ARID3A: variants seen among roughly 807,000 people sequenced by gnomAD.
ARID3A encodes AT-rich interactive domain-containing protein 3A.
Under a neutral mutation model 52.7 loss-of-function variants are expected in ARID3A, and 11 were observed. The observed-to-expected ratio is 0.21, with a 90% confidence interval of 0.13 to 0.35. The LOEUF (loss-of-function observed/expected upper bound fraction) is 0.35. Ranked by LOEUF, ARID3A falls within the 10% of genes least tolerant of loss-of-function variation. ARID3A has a pLI of 1.00. For synonymous variants in ARID3A, 404 were observed against 359.4 expected (o/e 1.12, Z -1.40); for missense variants, 721 against 838.5 (o/e 0.86, Z 1.73).
chr19:948,314 G>C (rs1568363974), intron 3 of ARID3A, among the ~76,000 whole-genome samples: 1 of 151,994 alleles, frequency 6.6e-6, no homozygotes, highest in Non-Finnish European at 1.5e-5. Flanking sequence ...GCTGTGGACT[G>C]ACAGCCCCGT....
rs1856904200 is a variant in ARID3A, at chr19:944,189, G to A, written c.693+11447G>A. 1.3e-5 allele frequency among the ~76,000 whole-genome samples: 2 copies of A among 152,234 alleles called. No homozygotes were observed. The highest frequency in any genetic ancestry group is 6.5e-5 in the Admixed American group (1 of 15,286). On this transcript the variant is annotated intron_variant, in intron 3 of 8. Coordinates refer to ENST00000263620, the MANE Select transcript of ARID3A (RefSeq NM_005224.3). This position sits in a 1 kb window ranked among gnomAD's most constrained non-coding sequence, Gnocchi z 5.9. ...CTGCCTGCGTACTGGGGACACAGCCGTGCATGAAGCAGAAGCTCCTGCCGC... is the reference window on the plus strand; with the variant it reads ...CTGCCTGCGTACTGGGGACACAGCCATGCATGAAGCAGAAGCTCCTGCCGC...
At position 932,466 on chromosome 19, in the gene ARID3A, TGAG is replaced by T. The variant is rs745547598; in HGVS notation, c.435_437del (p.Glu145del). ...AGATGGAGGAAGACCTCGGGGAGGA[TGAG>T]GAGGAGGAGGAGGAGGATTACGAGG... On this transcript the variant is annotated inframe_deletion, in exon 3 of 9. Coordinates refer to ENST00000263620, the MANE Select transcript of ARID3A (RefSeq NM_005224.3). 6.1e-3 allele frequency: 8,442 copies of T among 1,385,286 alleles called. 4 individuals are homozygous for T. The highest frequency in any genetic ancestry group is 0.017 in the South Asian group (1,144 of 67,904). 85.8% of individuals were successfully genotyped at this position (1,385,286 alleles called of 1,614,324 possible). A position where few individuals can be genotyped will look rare whatever the true frequency, so the allele number is the denominator to read the frequency against.
At chr19:946,465 C>T (rs1326587665) in intron 3 of ARID3A, among the ~76,000 whole-genome samples, 7 of 88,796 alleles carry the variant, frequency 7.9e-5, no homozygotes, top group Non-Finnish European at 1.0e-4. Flanking sequence ...TTTTTTGAGA[C>T]GGAGTCTCAC....
chr19:946,224 TG>T (rs1224906060), intron 3 of ARID3A, among the ~76,000 whole-genome samples: 6 of 151,996 alleles, frequency 3.9e-5, no homozygotes, highest in African/African-American at 1.5e-4. Flanking sequence ...TTTATTTTTT[TG>T]TTTTTTTTAC....
intron 3 of ARID3A, among the ~76,000 whole-genome samples, chr19:955,826 C>T (rs987956545): frequency 3.9e-5 from 6 of 152,128 alleles, no homozygotes; most frequent in East Asian, 3.9e-4. Flanking sequence ...GGTTCTTAGC[C>T]GGGGGGCTGC....
chr19:964,597 A>C lies in ARID3A; in HGVS notation c.950+166A>C, dbSNP rs2038108622. ...CGTGCGTCCAGGGCCCGAGAGCGTC[A>C]AGTAGGGGTGCGAGGACCACACAGT... On this transcript the variant is annotated intron_variant, in intron 5 of 8. Transcript: ENST00000263620. The surrounding 1 kb of genome is among the most constrained non-coding windows in gnomAD (Gnocchi z 5.7). 6.6e-6 allele frequency among the ~76,000 whole-genome samples: 1 copy of C among 152,104 alleles called. No individual in the cohort carries two copies. The highest frequency in any genetic ancestry group is 1.5e-5 in the Non-Finnish European group (1 of 68,010).
chr19:936,997 G>A (rs571854488), intron 3 of ARID3A, among the ~76,000 whole-genome samples: 1 of 152,260 alleles, frequency 6.6e-6, no homozygotes, highest in Admixed American at 6.5e-5. Flanking sequence ...GCTGGGTGCA[G>A]TGCTTCACGC....
chr19:973,104 A>ATTTTTTTTT lies in ARID3A; in HGVS notation c.*1052_*1060dup, dbSNP rs56404084. ...GGGCTCTCGAGTCAGGGGCCTGGAA[A>ATTTTTTTTT]TTTTTTTTTTTTTTTTTTTTTGAGA... is the stretch of plus-strand genomic sequence containing the variant. On this transcript the variant is annotated 3_prime_UTR_variant, in exon 9 of 9. Transcript: ENST00000263620. 5.7e-3 allele frequency: 307 copies of ATTTTTTTTT among 53,644 alleles called. 50 individuals carry two copies. The highest frequency in any genetic ancestry group is 0.019 in the African/African-American group (274 of 14,248). 3.3% of individuals were successfully genotyped at this position (53,644 alleles called of 1,614,324 possible).
chr19:952,066 G>A (rs1368839895), intron 3 of ARID3A, among the ~76,000 whole-genome samples: 5 of 152,050 alleles, frequency 3.3e-5, no homozygotes, highest in Middle Eastern at 3.2e-3. Context: ...GTTTGAACCC[G>A]GGAGGCGGAG....
chr19:959,234 T>A lies in ARID3A; in HGVS notation c.694-858T>A, dbSNP rs961809656. Among the ~76,000 whole-genome samples the A allele has an allele frequency of 6.6e-6, 1 of 152,150 alleles. No homozygotes were observed. Among genetic ancestry groups the A allele is most frequent in the East Asian group, 1.9e-4 (1 of 5,188 alleles). ...CGTGAGAGGCAGGAAGGTTCCTCCC[T>A]TGGAGACTTCGGAGGGAACGCAACC... is the stretch of plus-strand genomic sequence containing the variant. On this transcript the variant is annotated intron_variant, in intron 3 of 8. Coordinates refer to ENST00000263620, the MANE Select transcript of ARID3A (RefSeq NM_005224.3). This position sits in a 1 kb window ranked among gnomAD's most constrained non-coding sequence, Gnocchi z 5.0.
chr19:949,011 G>T (rs112510811), intron 3 of ARID3A, among the ~76,000 whole-genome samples: 1 of 152,148 alleles, frequency 6.6e-6, no homozygotes, highest in South Asian at 2.1e-4. Flanking sequence ...GCCACCGCGC[G>T]TGGCCATCCT....
In ARID3A at chr19:929,780, G is replaced by C. The variant is rs1568353981; in HGVS notation, c.252G>C (p.Gly84=). ...CCAGCCCCGGCGGCTCTGAGGATGG[G>C]CCCCCAGGCTCGGAGGAGGAGGACG... ...HPASPGGSED[G]PPGSEEEDAA... The change falls in exon 2 of 9, where the codon GGG becomes GGC. Residue 84 remains glycine (G), a synonymous_variant. Coordinates refer to ENST00000263620, the MANE Select transcript of ARID3A (RefSeq NM_005224.3). The surrounding 1 kb of genome is among the most constrained non-coding windows in gnomAD (Gnocchi z 6.2). 6.4e-7 allele frequency: 1 copy of C among 1,551,302 alleles called. No homozygotes were observed. Among genetic ancestry groups the C allele is most frequent in the Admixed American group, 1.9e-5 (1 of 51,678 alleles).
intron 3 of ARID3A, among the ~76,000 whole-genome samples, chr19:948,426 G>A (rs1269085337): frequency 1.3e-5 from 2 of 152,086 alleles, no homozygotes; most frequent in African/African-American, 2.4e-5. Flanking sequence ...CCGGCCTCCC[G>A]GGGCCGCGGT....
At chr19:954,023 C>T (rs1262795168) in intron 3 of ARID3A, among the ~76,000 whole-genome samples, 1 of 152,160 alleles carries the variant, frequency 6.6e-6, no homozygotes, top group Non-Finnish European at 1.5e-5. Context: ...CACTGCACTC[C>T]AGCCTGAGTG....
chr19:968,669 T>C lies in ARID3A; in HGVS notation c.1594+166T>C, dbSNP rs7246309. The C allele has an allele frequency of 5.3e-3, 3,217 of 611,746 alleles. 77 individuals carry two copies. In the African/African-American group the frequency reaches 0.053, roughly 10 times the overall value. The allele number at this position is 611,746 out of a possible 1,614,324, so 37.9% of individuals were successfully genotyped here. A position where few individuals can be genotyped will look rare whatever the true frequency, so the allele number is the denominator to read the frequency against. Reference sequence around the variant, plus strand: ...AAACAGTCAAGACTGATGGAGAGGATACCATCGTTCACCCGGTACCACGCT... The same window carrying C: ...AAACAGTCAAGACTGATGGAGAGGACACCATCGTTCACCCGGTACCACGCT... On this transcript the variant is annotated intron_variant, in intron 8 of 8. Coordinates refer to ENST00000263620, the MANE Select transcript of ARID3A (RefSeq NM_005224.3).
rs1023973122 is a variant in ARID3A, at chr19:959,213, A to G, written c.694-879A>G. On this transcript the variant is annotated intron_variant, in intron 3 of 8. Coordinates refer to ENST00000263620, the MANE Select transcript of ARID3A (RefSeq NM_005224.3). This position sits in a 1 kb window ranked among gnomAD's most constrained non-coding sequence, Gnocchi z 5.0. ...GAACCTGGAGCCCCCAGAAGCCGTG[A>G]GAGGCAGGAAGGTTCCTCCCTTGGA... Among the ~76,000 whole-genome samples the G allele has an allele frequency of 6.6e-6, 1 of 152,102 alleles. No homozygotes were observed. The highest frequency in any genetic ancestry group is 2.4e-5 in the African/African-American group (1 of 41,412).
intron 3 of ARID3A, among the ~76,000 whole-genome samples, chr19:945,243 C>T (rs538696897): frequency 2.6e-4 from 39 of 152,370 alleles, no homozygotes; most frequent in African/African-American, 7.5e-4. Flanking sequence ...CTCCTCCTCT[C>T]GGCCTCAGTT....
chr19:927,813 G>A (rs903486479), intron 1 of ARID3A, among the ~76,000 whole-genome samples: 2 of 152,078 alleles, frequency 1.3e-5, no homozygotes, highest in African/African-American at 4.8e-5. Flanking sequence ...TTTGTGACCT[G>A]GGACCTCTGT....
rs2037549779 is a variant in ARID3A, at chr19:941,315, G to T, written c.693+8573G>T. Among the ~76,000 whole-genome samples, 1 of 152,236 alleles carries T rather than the reference G, an allele frequency of 6.6e-6. No homozygotes were observed. Among genetic ancestry groups the T allele is most frequent in the Non-Finnish European group, 1.5e-5 (1 of 68,046 alleles). The stretch of plus-strand genomic sequence containing the variant: ...TGTCTCGTGGGACCCTGCCTGGGAG[G>T]GAATCTTGCTCCAGACACAGCATCT... On this transcript the variant is annotated intron_variant, in intron 3 of 8. Coordinates refer to ENST00000263620, the MANE Select transcript of ARID3A (RefSeq NM_005224.3). This position sits in a 1 kb window ranked among gnomAD's most constrained non-coding sequence, Gnocchi z 6.9.
Sources: gnomAD v4.1 joint callset for allele counts (sites outside exome capture counted in the v4.1 genomes callset) on GRCh38, gnomAD v4.1.1 for gene constraint, Gnocchi (gnomAD v3.1) non-coding constraint, MANE v1.5 for transcripts, NCBI Gene and HGNC (gene_info 2026-07-23, HGNC 2026-07-21) for gene names.